NDUFAF2: variants seen among roughly 807,000 people sequenced by gnomAD.
The protein encoded by NDUFAF2 is NADH:ubiquinone oxidoreductase complex assembly factor 2.
A neutral mutation model predicts 22.8 loss-of-function variants in NDUFAF2; 13 were observed. The ratio of observed to expected loss-of-function variants is 0.57; its 90% confidence interval spans 0.37 to 0.91. The LOEUF is 0.91. Ranked by LOEUF, NDUFAF2 falls within the 40% of genes least tolerant of loss-of-function variation. The pLI, the probability that NDUFAF2 is intolerant of heterozygous loss-of-function variation, is 0.01. For synonymous variants in NDUFAF2, 53 were observed against 64.2 expected (o/e 0.83, Z 0.84); for missense variants, 162 against 195.2 (o/e 0.83, Z 1.01).
intron 3 of NDUFAF2, among the ~76,000 whole-genome samples, chr5:61,113,636 T>C (rs1292629695): frequency 2.0e-5 from 3 of 152,164 alleles, no homozygotes; most frequent in Admixed American, 1.3e-4. Flanking sequence ...TTGTCACTTC[T>C]TCCTGCCATC....
At chr5:61,078,859 A>G (rs944282923) in intron 2 of NDUFAF2, among the ~76,000 whole-genome samples, 2 of 152,184 alleles carry the variant, frequency 1.3e-5, no homozygotes, top group Admixed American at 6.5e-5. Flanking sequence ...AATTCATGGC[A>G]TTATTTGTAG....
chr5:61,127,746 C>A (rs1332211813), intron 3 of NDUFAF2, among the ~76,000 whole-genome samples: 1 of 152,150 alleles, frequency 6.6e-6, no homozygotes, highest in Non-Finnish European at 1.5e-5. Flanking sequence ...GACAGGGATG[C>A]CTTCTCTCAC....
intron 1 of NDUFAF2, among the ~76,000 whole-genome samples, chr5:61,071,836 A>G (rs183640647): frequency 6.6e-4 from 100 of 152,330 alleles, no homozygotes; most frequent in African/African-American, 2.1e-3. Flanking sequence ...CCCAGGCTCA[A>G]AGGTTCAGTG....
chr5:61,128,311 A>G (rs970047387), intron 3 of NDUFAF2, among the ~76,000 whole-genome samples: 30 of 152,176 alleles, frequency 2.0e-4, no homozygotes, highest in Non-Finnish European at 3.5e-4. Flanking sequence ...TAAAGTTCAT[A>G]TGGAACCAAA....
intron 1 of NDUFAF2, among the ~76,000 whole-genome samples, chr5:61,056,606 G>T (rs1752094276): frequency 6.6e-6 from 1 of 151,810 alleles, no homozygotes; most frequent in Non-Finnish European, 1.5e-5. Flanking sequence ...ATGATGCTAT[G>T]GCTGGGCACG....
intron 1 of NDUFAF2, among the ~76,000 whole-genome samples, chr5:61,070,990 C>T (rs1752291778): frequency 6.6e-6 from 1 of 152,078 alleles, no homozygotes; most frequent in South Asian, 2.1e-4. Context: ...CGGTATTTGA[C>T]TAACACATTT....
chr5:61,037,581 C>G (rs1751815388), intron 1 of NDUFAF2, among the ~76,000 whole-genome samples: 1 of 152,104 alleles, frequency 6.6e-6, no homozygotes, highest in South Asian at 2.1e-4. Context: ...ACTTTCCAAC[C>G]CTTGGATGTA....
chr5:61,151,346 T>G (rs923174512), intron 3 of NDUFAF2, among the ~76,000 whole-genome samples: 4 of 152,180 alleles, frequency 2.6e-5, no homozygotes, highest in Admixed American at 6.5e-5. Flanking sequence ...CTTTTTTTTT[T>G]TTGGTCAGTG....
intron 3 of NDUFAF2, among the ~76,000 whole-genome samples, chr5:61,139,121 T>A (rs1164286816): frequency 6.6e-6 from 1 of 152,218 alleles, no homozygotes; most frequent in Non-Finnish European, 1.5e-5. Flanking sequence ...AAAAATACAT[T>A]TAATACACCT....
At chr5:61,126,130 C>T (rs1579843717) in intron 3 of NDUFAF2, among the ~76,000 whole-genome samples, 1 of 151,824 alleles carries the variant, frequency 6.6e-6, no homozygotes, top group South Asian at 2.1e-4. Flanking sequence ...TTCTTTCATT[C>T]GTTTTCAAAG....
intron 3 of NDUFAF2, among the ~76,000 whole-genome samples, chr5:61,129,449 A>G (rs1421535393): frequency 6.6e-6 from 1 of 152,172 alleles, no homozygotes; most frequent in Non-Finnish European, 1.5e-5. Context: ...ACACCATGGA[A>G]TACTATGCAG....
chr5:61,099,803 T>A (rs2111768457), intron 3 of NDUFAF2, among the ~76,000 whole-genome samples: 1 of 152,274 alleles, frequency 6.6e-6, no homozygotes, highest in East Asian at 1.9e-4. Context: ...TATTTAGGAC[T>A]TCCCTCCTCT....
chr5:61,047,204 G>C (rs1211386566), intron 1 of NDUFAF2, among the ~76,000 whole-genome samples: 1 of 151,992 alleles, frequency 6.6e-6, no homozygotes. Context: ...ATAGTACAAA[G>C]CTAATACATA....
chr5:61,002,865 T>C (rs1333654523), intron 1 of NDUFAF2, among the ~76,000 whole-genome samples: 1 of 152,156 alleles, frequency 6.6e-6, no homozygotes, highest in Non-Finnish European at 1.5e-5. Flanking sequence ...AAGCACATTA[T>C]GACAACTAAA....
chr5:61,047,639 A>G (rs1041289801), intron 1 of NDUFAF2, among the ~76,000 whole-genome samples: 1 of 152,048 alleles, frequency 6.6e-6, no homozygotes, highest in Non-Finnish European at 1.5e-5. Context: ...CTGATGTTTC[A>G]TGTTATTTAA....
At chr5:60,953,564 C>T (rs372774632) in intron 1 of NDUFAF2, among the ~76,000 whole-genome samples, 48 of 152,086 alleles carry the variant, frequency 3.2e-4, no homozygotes, top group African/African-American at 1.0e-3. Flanking sequence ...AGGTTCAAGG[C>T]GGATAAAGTT....
intron 1 of NDUFAF2, among the ~76,000 whole-genome samples, chr5:61,002,733 G>A (rs534264142): frequency 6.6e-6 from 1 of 152,194 alleles, no homozygotes; most frequent in South Asian, 2.1e-4. Context: ...CCTTCTTGTG[G>A]GAGGGGGTTT....
chr5:60,945,470 C>A, intron 1 of NDUFAF2, 88 bp downstream of exon 1: 2 of 1,560,178 alleles, frequency 1.3e-6, no homozygotes, highest in Non-Finnish European at 1.8e-6. Context: ...AGTCAACTAA[C>A]GCATCATGCG....
chr5:60,958,192 C>T (rs1750641711), intron 1 of NDUFAF2, among the ~76,000 whole-genome samples: 1 of 152,138 alleles, frequency 6.6e-6, no homozygotes, highest in African/African-American at 2.4e-5. Context: ...GACTACTGCT[C>T]TAAGCAAAAC....
Sources: gnomAD v4.1 joint callset for allele counts (sites outside exome capture counted in the v4.1 genomes callset) on GRCh38, gnomAD v4.1.1 for gene constraint, MANE v1.5 for transcripts, NCBI Gene and HGNC (gene_info 2026-07-23, HGNC 2026-07-21) for gene names.